PALM2AKAP2: variants seen among roughly 807,000 people sequenced by gnomAD.
PALM2AKAP2 encodes the protein PALM2 and AKAP2 fusion.
Under a neutral mutation model 71.5 loss-of-function variants are expected in PALM2AKAP2, and 37 were observed. The ratio of observed to expected loss-of-function variants is 0.52; its 90% CI spans 0.40 to 0.68. The LOEUF is 0.68. Among genes scored for constraint, PALM2AKAP2 ranks in the 30% least tolerant of loss-of-function variants. PALM2AKAP2 has a pLI of 0.00. For missense variants in PALM2AKAP2, 1,224 were observed against 1,191.8 expected (o/e 1.03, Z -0.40); for synonymous variants, 468 against 478.8 (o/e 0.98, Z 0.29).
intron 3 of PALM2AKAP2, among the ~76,000 whole-genome samples, chr9:109,900,367 A>G (rs897362454): frequency 3.9e-5 from 6 of 152,238 alleles, no homozygotes; most frequent in African/African-American, 1.4e-4. Flanking sequence ...TCGCAATGGC[A>G]AAGCATTGGA....
At chr9:110,143,034 A>G (rs902898924) in intron 2 of PALM2AKAP2, among the ~76,000 whole-genome samples, 1 of 152,160 alleles carries the variant, frequency 6.6e-6, no homozygotes, top group African/African-American at 2.4e-5. Context: ...GGCAGGCGCC[A>G]TCTTGGTGAA....
At chr9:109,737,194 A>G (rs953027408) in intron 1 of PALM2AKAP2, among the ~76,000 whole-genome samples, 2 of 152,346 alleles carry the variant, frequency 1.3e-5, no homozygotes, top group Admixed American at 6.5e-5. Flanking sequence ...TGGAAACGCT[A>G]TGATTACAGT....
At chr9:109,879,706 T>C (rs1021185838) in intron 2 of PALM2AKAP2, among the ~76,000 whole-genome samples, 1 of 151,748 alleles carries the variant, frequency 6.6e-6, no homozygotes, top group Non-Finnish European at 1.5e-5. Context: ...ATGGTTTTTT[T>C]TTTTTTTTTT....
intron 1 of PALM2AKAP2, among the ~76,000 whole-genome samples, chr9:110,086,711 CAG>C (rs1176389168): frequency 1.3e-5 from 2 of 152,196 alleles, no homozygotes; most frequent in Non-Finnish European, 2.9e-5. Flanking sequence ...TTTCTGGACA[CAG>C]AGGCAGTATT....
At chr9:109,727,572 G>A (rs1828494386) in intron 1 of PALM2AKAP2, among the ~76,000 whole-genome samples, 1 of 152,190 alleles carries the variant, frequency 6.6e-6, no homozygotes, top group Non-Finnish European at 1.5e-5. Context: ...GAGGCAGGTA[G>A]AGATGACAAT....
chr9:110,029,811 C>T (rs1463984164), intron 7 of PALM2AKAP2, among the ~76,000 whole-genome samples: 1 of 152,182 alleles, frequency 6.6e-6, no homozygotes, highest in Non-Finnish European at 1.5e-5. Flanking sequence ...ACCAGTTTGT[C>T]TCTCCAGTTA....
At chr9:109,976,334 A>G (rs915638185) in intron 6 of PALM2AKAP2, among the ~76,000 whole-genome samples, 2 of 152,248 alleles carry the variant, frequency 1.3e-5, no homozygotes. Context: ...GCCATTTTAC[A>G]AAGGAGGAAA....
intron 6 of PALM2AKAP2, among the ~76,000 whole-genome samples, chr9:110,002,398 C>T (rs1365011720): frequency 6.6e-6 from 1 of 151,546 alleles, no homozygotes; most frequent in Non-Finnish European, 1.5e-5. Flanking sequence ...TTTTGATATG[C>T]TGCTAGATTC....
At chr9:109,954,784 C>G (rs965475759) in intron 6 of PALM2AKAP2, among the ~76,000 whole-genome samples, 1 of 151,728 alleles carries the variant, frequency 6.6e-6, no homozygotes, top group Non-Finnish European at 1.5e-5. Flanking sequence ...GTTAGTTTAC[C>G]TGCACAGCAA....
intron 1 of PALM2AKAP2, among the ~76,000 whole-genome samples, chr9:109,720,743 AG>A (rs1315596631): frequency 3.9e-5 from 6 of 152,234 alleles, no homozygotes; most frequent in African/African-American, 1.4e-4. Context: ...GTGTTGTGTA[AG>A]GATATACACA....
intron 2 of PALM2AKAP2, among the ~76,000 whole-genome samples, chr9:110,154,312 G>A (rs983623612): frequency 4.6e-5 from 7 of 152,198 alleles, no homozygotes; most frequent in African/African-American, 1.4e-4. Context: ...TGGCTGCCAA[G>A]TCATGGATTC....
upstream of PALM2AKAP2, among the ~76,000 whole-genome samples, chr9:110,047,203 G>A (rs189327982): frequency 7.4e-4 from 113 of 152,278 alleles, 2 homozygotes; most frequent in African/African-American, 2.2e-3. Flanking sequence ...AGACAAACAG[G>A]CAAAAAGGAT....
At chr9:109,983,087 C>G (rs1342491632) in intron 6 of PALM2AKAP2, among the ~76,000 whole-genome samples, 2 of 152,086 alleles carry the variant, frequency 1.3e-5, no homozygotes, top group Non-Finnish European at 2.9e-5. Flanking sequence ...CCCCTAAAAC[C>G]CCTTAGGCAT....
At chr9:110,033,989 A>T (rs1374974174) in intron 7 of PALM2AKAP2, among the ~76,000 whole-genome samples, 1 of 152,196 alleles carries the variant, frequency 6.6e-6, no homozygotes, top group African/African-American at 2.4e-5. Flanking sequence ...AGGCACAGGG[A>T]GATAAAGTAA....
intron 6 of PALM2AKAP2, chr9:109,946,526 T>TA (rs112920625): frequency 0.071 from 10,389 of 146,314 alleles, 564 homozygotes; most frequent in East Asian, 0.24. Flanking sequence ...CCATCTCTAC[T>TA]AAAAAAAAAA....
intron 3 of PALM2AKAP2, among the ~76,000 whole-genome samples, chr9:110,166,740 G>C (rs1836745456): frequency 6.6e-6 from 1 of 152,134 alleles, no homozygotes; most frequent in South Asian, 2.1e-4. Context: ...GAAGCTCTGG[G>C]TGGTCCATTC....
At chr9:110,028,065 G>A (rs566582497) in intron 7 of PALM2AKAP2, among the ~76,000 whole-genome samples, 2 of 152,196 alleles carry the variant, frequency 1.3e-5, no homozygotes, top group African/African-American at 2.4e-5. Flanking sequence ...GGATCTCAGA[G>A]GGGGTTTGGC....
intron 1 of PALM2AKAP2, among the ~76,000 whole-genome samples, chr9:110,058,735 C>T (rs1833897685): frequency 6.6e-6 from 1 of 152,128 alleles, no homozygotes; most frequent in Non-Finnish European, 1.5e-5. Context: ...TTCCCATTCT[C>T]TTTAGATCCT....
chr9:109,972,949 A>G (rs1205268139), intron 6 of PALM2AKAP2, among the ~76,000 whole-genome samples: 1 of 152,202 alleles, frequency 6.6e-6, no homozygotes, highest in Non-Finnish European at 1.5e-5. Flanking sequence ...TAATGGCTTA[A>G]TACACCTTTT....
Sources: gnomAD v4.1 joint callset for allele counts (sites outside exome capture counted in the v4.1 genomes callset) on GRCh38, gnomAD v4.1.1 for gene constraint, MANE v1.5 for transcripts, NCBI Gene and HGNC (gene_info 2026-07-23, HGNC 2026-07-21) for gene names.